Variants in KCNQ1 observed in about 807,000 individuals in gnomAD.
KCNQ1 encodes the protein potassium voltage-gated channel subfamily Q member 1.
In KCNQ1, 49 loss-of-function variants were observed where a neutral mutation model predicts 72.4. That is an observed-to-expected ratio of 0.68 (90% CI 0.54 to 0.86). The LOEUF (loss-of-function observed/expected upper bound fraction) is 0.86, where lower values mean the gene tolerates loss of function less well. Among genes scored for constraint, KCNQ1 ranks in the 40% least tolerant of loss-of-function variants. The pLI is 0.00. For missense variants in KCNQ1, 790 were observed against 945.1 expected, an observed-to-expected ratio of 0.84 and a Z score of 2.15; for synonymous variants, 450 against 412.6, an observed-to-expected ratio of 1.09 and a Z score of -1.10.
rs1564787770 is a variant in KCNQ1, at chr11:2,462,466, G to A, written c.386+16982G>A. Among the ~76,000 whole-genome samples the A allele has an allele frequency of 6.6e-6, 1 of 152,176 alleles. No individual in the cohort carries two copies. On this transcript the variant is annotated intron_variant, in intron 1 of 15. Transcript: ENST00000155840. The surrounding 1 kb of genome is among the most constrained non-coding windows in gnomAD (Gnocchi z 8.2). ...GCACCATCTCTTCCTGGCATGACGG[G>A]AACCACCTGTGACATTGCCACCACC... is the stretch of plus-strand genomic sequence containing the variant.
rs1848680538 is a variant in KCNQ1, at chr11:2,592,266, C to T, written c.1393+3412C>T. On this transcript the variant is annotated intron_variant, in intron 10 of 15. Coordinates refer to ENST00000155840, the MANE Select transcript of KCNQ1 (RefSeq NM_000218.3). This position sits in a 1 kb window ranked among gnomAD's most constrained non-coding sequence, Gnocchi z 5.2. ...GCCATGTGGGGAACTCCTGAGGACA[C>T]CTGTGTGTCCTGACACCTCACTGAG... 6.6e-6 allele frequency among the ~76,000 whole-genome samples: 1 copy of T among 152,210 alleles called. No individual in the cohort carries two copies. The highest frequency in any genetic ancestry group is 2.1e-4 in the South Asian group (1 of 4,830).
At position 2,626,887 on chromosome 11, in the gene KCNQ1, A is replaced by G. The variant is rs77179392; in HGVS notation, c.1394-35074A>G. ...TCCAATGTTGTTCATCATTTTCAAGAATGTTTTAGCTATTCAAGGTCCCTT... is the reference window on the plus strand; with the variant it reads ...TCCAATGTTGTTCATCATTTTCAAGGATGTTTTAGCTATTCAAGGTCCCTT... On this transcript the variant is annotated intron_variant, in intron 10 of 15. Coordinates refer to ENST00000155840, the MANE Select transcript of KCNQ1 (RefSeq NM_000218.3). This position sits in a 1 kb window ranked among gnomAD's most constrained non-coding sequence, Gnocchi z 4.0. 681 of 398,544 alleles carry G rather than the reference A, an allele frequency of 1.7e-3. 8 individuals carry two copies. In the East Asian group the frequency reaches 0.018, roughly 11 times the overall value. 24.7% of individuals were successfully genotyped at this position (398,544 alleles called of 1,614,324 possible).
rs1296985035 is a variant in KCNQ1 at position 2,567,791 on chromosome 11, C to T, written c.478-2837C>T. 1.3e-5 allele frequency among the ~76,000 whole-genome samples: 2 copies of T among 152,184 alleles called. No individual in the cohort carries two copies. The highest frequency in any genetic ancestry group is 2.4e-5 in the African/African-American group (1 of 41,444). On this transcript the variant is annotated intron_variant, in intron 2 of 15. Transcript: ENST00000155840. This position sits in a 1 kb window ranked among gnomAD's most constrained non-coding sequence, Gnocchi z 6.6. ...CCACAGGCAGGAGTCCTGCCATCTT[C>T]GAAGGCCAGCCCCTAAACAGGTTCC...
intron 11 of KCNQ1, among the ~76,000 whole-genome samples, chr11:2,747,790 A>G (rs1846163382): frequency 6.6e-6 from 1 of 152,054 alleles, no homozygotes; most frequent in Non-Finnish European, 1.5e-5. Flanking sequence ...GGCAGGTTCC[A>G]GAGATCAGAA....
chr11:2,572,322 C>T (rs1409958525), intron 5 of KCNQ1, among the ~76,000 whole-genome samples: 1 of 152,208 alleles, frequency 6.6e-6, no homozygotes, highest in East Asian at 1.9e-4. Flanking sequence ...GCCAGTGACC[C>T]TGGCCTGCCA....
At chr11:2,795,436 A>AG (rs1463270102) in intron 15 of KCNQ1, among the ~76,000 whole-genome samples, 1 of 152,228 alleles carries the variant, frequency 6.6e-6, no homozygotes, top group African/African-American at 2.4e-5. Context: ...CTGTGAGCCG[A>AG]GGGGCTCCTC....
In KCNQ1 at chr11:2,612,099, G is replaced by A; in HGVS notation, c.1393+23245G>A. The A allele has an allele frequency of 2.5e-6, 1 of 398,568 alleles. No individual in the cohort carries two copies. The highest frequency in any genetic ancestry group is 4.4e-6 in the Non-Finnish European group (1 of 226,064). 24.7% of individuals were successfully genotyped at this position (398,568 alleles called of 1,614,324 possible). On this transcript the variant is annotated intron_variant, in intron 10 of 15. Transcript: ENST00000155840. The surrounding 1 kb of genome is among the most constrained non-coding windows in gnomAD (Gnocchi z 5.5). ...ATTGTTACACATCCTGTTAGGACAG[G>A]GGTTCCCAACCCCAGGGCCATGGAC...
rs1179298818 is a variant in KCNQ1, at chr11:2,496,860, C to A, written c.387-31068C>A. The stretch of plus-strand genomic sequence containing the variant: ...CCATGTTTAGTGCTTCCTTCAGGAG[C>A]TCTTGTAAGGCAAGCCTCAGCATTT... On this transcript the variant is annotated intron_variant, in intron 1 of 15. Coordinates refer to ENST00000155840, the MANE Select transcript of KCNQ1 (RefSeq NM_000218.3). Among the ~76,000 whole-genome samples, 4 of 64,076 alleles carry A rather than the reference C, an allele frequency of 6.2e-5. No homozygotes were observed. The South Asian group carries it at 1.8e-3, about 29-fold the overall frequency. The allele number at this position is 64,076 out of a possible 152,430, so 42.0% of individuals were successfully genotyped here.
intron 10 of KCNQ1, chr11:2,640,158 G>T (rs552466465): frequency 2.2e-5 from 8 of 369,298 alleles, no homozygotes; most frequent in South Asian, 1.5e-4. Flanking sequence ...TGCTTCCCAG[G>T]TGAGGCGATG....
chr11:2,584,310 A>C (rs1164515541), intron 7 of KCNQ1, among the ~76,000 whole-genome samples: 1 of 152,056 alleles, frequency 6.6e-6, no homozygotes, highest in Non-Finnish European at 1.5e-5. Context: ...GACATGTGTT[A>C]GTATGTGCTT....
rs1196917031 is a variant in KCNQ1 at position 2,683,537 on chromosome 11, A to G, written c.1514+21456A>G. ...TTAGTTCAGAGTAAACATTTCTAAA[A>G]AAGAGGTAGAAGCCCCTACCTACTG... On this transcript the variant is annotated intron_variant, in intron 11 of 15. Coordinates refer to ENST00000155840, the MANE Select transcript of KCNQ1 (RefSeq NM_000218.3). This position sits in a 1 kb window ranked among gnomAD's most constrained non-coding sequence, Gnocchi z 4.7. 2.5e-6 allele frequency: 1 copy of G among 398,544 alleles called. No individual in the cohort carries two copies. The highest frequency in any genetic ancestry group is 2.1e-5 in the African/African-American group (1 of 48,640). The allele number at this position is 398,544 out of a possible 1,614,324, so 24.7% of individuals were successfully genotyped here. A position where few individuals can be genotyped will look rare whatever the true frequency, so the allele number is the denominator to read the frequency against.
intron 6 of KCNQ1, among the ~76,000 whole-genome samples, chr11:2,581,407 G>T (rs1477443821): frequency 6.6e-6 from 1 of 152,228 alleles, no homozygotes; most frequent in East Asian, 1.9e-4. Flanking sequence ...GTGCACCTGG[G>T]CCCTCTGGGG....
intron 13 of KCNQ1, 38 bp from the exon 14 acceptor site, chr11:2,776,948 G>C: frequency 2.5e-6 from 4 of 1,606,122 alleles, no homozygotes; most frequent in Non-Finnish European, 3.4e-6. Flanking sequence ...GCAGTGCCAG[G>C]GCCAGGTGTG....
intron 15 of KCNQ1, among the ~76,000 whole-genome samples, chr11:2,838,094 G>C (rs1312727880): frequency 6.6e-6 from 1 of 152,230 alleles, no homozygotes; most frequent in Non-Finnish European, 1.5e-5. Context: ...GGAATATTTA[G>C]GGTATACCTG....
chr11:2,555,190 C>G (rs2133699625), intron 2 of KCNQ1, among the ~76,000 whole-genome samples: 1 of 152,328 alleles, frequency 6.6e-6, no homozygotes, highest in African/African-American at 2.4e-5. Flanking sequence ...GTGCTCAGCC[C>G]CTGGTCTCTT....
chr11:2,520,288 A>G (rs914685916), intron 1 of KCNQ1, among the ~76,000 whole-genome samples: 8 of 152,212 alleles, frequency 5.3e-5, no homozygotes, highest in Admixed American at 4.6e-4. Context: ...GACTTCCATG[A>G]TGTGACACCT....
Position 2,624,465 on chromosome 11 carries a change from G to A in KCNQ1, c.1393+35611G>A. ...TATTTCTTTCATGAATCATGCCTTTGGTGTCATATCTAAAAAGCCATCACC... is the reference window on the plus strand; with the variant it reads ...TATTTCTTTCATGAATCATGCCTTTAGTGTCATATCTAAAAAGCCATCACC... On this transcript the variant is annotated intron_variant, in intron 10 of 15. Transcript: ENST00000155840. This position sits in a 1 kb window ranked among gnomAD's most constrained non-coding sequence, Gnocchi z 4.9. 1 of 398,206 alleles carries A rather than the reference G, an allele frequency of 2.5e-6. No homozygotes were observed. The highest frequency in any genetic ancestry group is 4.4e-6 in the Non-Finnish European group (1 of 225,974). 24.7% of individuals were successfully genotyped at this position (398,206 alleles called of 1,614,324 possible).
chr11:2,779,134 G>A (rs1846771223), intron 15 of KCNQ1, among the ~76,000 whole-genome samples: 1 of 152,248 alleles, frequency 6.6e-6, no homozygotes, highest in Non-Finnish European at 1.5e-5. Flanking sequence ...GACCTGAGCA[G>A]GGCTGGTGCA....
chr11:2,549,482 C>T lies in KCNQ1; in HGVS notation c.478-21146C>T, dbSNP rs906609044. Among the ~76,000 whole-genome samples, 4 of 152,302 alleles carry T rather than the reference C, an allele frequency of 2.6e-5. No individual in the cohort carries two copies. The highest frequency in any genetic ancestry group is 9.6e-5 in the African/African-American group (4 of 41,562). On this transcript the variant is annotated intron_variant, in intron 2 of 15. Transcript: ENST00000155840. The surrounding 1 kb of genome is among the most constrained non-coding windows in gnomAD (Gnocchi z 6.2). Reference sequence around the variant, plus strand: ...TGGAACCCAGAAGACATGGGGCCCTCGAGGAGGGTCCCCCGGGGGCTGCAA... The same window carrying T: ...TGGAACCCAGAAGACATGGGGCCCTTGAGGAGGGTCCCCCGGGGGCTGCAA...
Sources: gnomAD v4.1 joint callset for allele counts (sites outside exome capture counted in the v4.1 genomes callset) on GRCh38, gnomAD v4.1.1 for gene constraint, Gnocchi (gnomAD v3.1) non-coding constraint, MANE v1.5 for transcripts, NCBI Gene and HGNC (gene_info 2026-07-23, HGNC 2026-07-21) for gene names.